The following PDZD2 variants were observed in gnomAD, a reference collection of about 807,000 sequenced individuals.
PDZD2 encodes PDZ domain containing 2, also known as PDZ domain-containing protein 2.
Under a neutral mutation model 220.7 loss-of-function variants are expected in PDZD2, and 90 were observed. The observed-to-expected ratio is 0.41, with a 90% CI of 0.34 to 0.49. PDZD2 has a LOEUF of 0.49. Ranked by LOEUF, PDZD2 falls within the 20% of genes least tolerant of loss-of-function variation. PDZD2 has a pLI of 0.28. For synonymous variants in PDZD2, 1,375 were observed against 1,450.5 expected (o/e 0.95, Z 1.18); for missense variants, 3,174 against 3,608.5 (o/e 0.88, Z 3.08).
chr5:31,670,729 T>A (rs773776568), intron 1 of PDZD2, among the ~76,000 whole-genome samples: 2 of 152,058 alleles, frequency 1.3e-5, no homozygotes, highest in Non-Finnish European at 2.9e-5. Context: ...CCAGTTTGCG[T>A]TTCTTTTAAA....
intron 1 of PDZD2, among the ~76,000 whole-genome samples, chr5:31,769,950 T>G (rs1033016932): frequency 6.6e-6 from 1 of 152,212 alleles, no homozygotes. Context: ...AGTCCCCAAG[T>G]GAAGTCTTTG....
intron 1 of PDZD2, among the ~76,000 whole-genome samples, chr5:31,680,051 T>G (rs1218064493): frequency 6.6e-6 from 1 of 152,250 alleles, no homozygotes; most frequent in East Asian, 1.9e-4. Context: ...GGATATCTGA[T>G]ATGGAATTAT....
intron 2 of PDZD2, among the ~76,000 whole-genome samples, chr5:31,837,564 A>T (rs1757019641): frequency 6.6e-6 from 1 of 152,114 alleles, no homozygotes; most frequent in Non-Finnish European, 1.5e-5. Context: ...TTCTACTAAA[A>T]ATACAAAAAA....
At chr5:31,683,225 A>AAG (rs397705703) in intron 1 of PDZD2, among the ~76,000 whole-genome samples, 1 of 135,898 alleles carries the variant, frequency 7.4e-6, no homozygotes, top group Admixed American at 7.5e-5. Context: ...AAAAAAAAAA[A>AAG]GAAAGAAAGA....
intron 2 of PDZD2, among the ~76,000 whole-genome samples, chr5:31,879,985 C>G (rs1739717396): frequency 6.7e-6 from 1 of 149,650 alleles, no homozygotes; most frequent in South Asian, 2.1e-4. Flanking sequence ...ACGATCTCAG[C>G]TCACCACAAC....
Position 31,983,485 on chromosome 5 carries a change from C to T in PDZD2, c.807C>T (p.Gly269=). 2 of 1,614,106 alleles carry T rather than the reference C, an allele frequency of 1.2e-6. No homozygotes were observed. Among genetic ancestry groups the T allele is most frequent in the Non-Finnish European group, 1.7e-6 (2 of 1,180,010 alleles). Residue 269 remains glycine, a synonymous_variant, in exon 3 of 25, where the codon GGC becomes GGT. Coordinates refer to ENST00000438447, the MANE Select transcript of PDZD2 (RefSeq NM_178140.4). ...GCCATGTCTTTCAGCTAGAAAATGG[C>T]CCAGATTCTCTCAAGGAGGTGGCTG... ...GNGHVFQLEN[G]PDSLKEVAGP...
intron 23 of PDZD2, chr5:32,100,560 T>G (rs1317437836): frequency 1.2e-5 from 4 of 332,002 alleles, no homozygotes; most frequent in Non-Finnish European, 2.4e-5. Context: ...GGTTTCCCTT[T>G]GCAGGAGCAG....
At chr5:31,814,814 T>C (rs1470540000) in intron 2 of PDZD2, among the ~76,000 whole-genome samples, 2 of 140,684 alleles carry the variant, frequency 1.4e-5, no homozygotes, top group Non-Finnish European at 3.1e-5. Context: ...AGACTCCATC[T>C]AAAAAAAAAA....
At chr5:31,721,557 T>C (rs1409493487) in intron 1 of PDZD2, among the ~76,000 whole-genome samples, 2 of 141,932 alleles carry the variant, frequency 1.4e-5, no homozygotes, top group East Asian at 2.1e-4. Context: ...ATTAGGAAAC[T>C]AATAAGGAAA....
At chr5:32,034,847 T>C (rs1303917301) in intron 6 of PDZD2, among the ~76,000 whole-genome samples, 1 of 152,182 alleles carries the variant, frequency 6.6e-6, no homozygotes, top group Non-Finnish European at 1.5e-5. Flanking sequence ...GGCTCTTTCT[T>C]CTCTGTGTAC....
Position 31,958,953 on chromosome 5 carries a change from G to A in PDZD2, c.477-24202G>A, listed in dbSNP as rs567332346. Reference sequence around the variant, plus strand: ...AGCACTCGATTGATTGATTGATTGAGATGGAGTCTCGCTCTGTCACCCAGG... The same window carrying A: ...AGCACTCGATTGATTGATTGATTGAAATGGAGTCTCGCTCTGTCACCCAGG... On this transcript the variant is annotated intron_variant, in intron 2 of 24. Transcript: ENST00000438447. 9.5e-5 allele frequency among the ~76,000 whole-genome samples: 14 copies of A among 147,566 alleles called. No homozygotes were observed. The South Asian group carries it at 3.0e-3, about 32-fold the overall frequency.
At chr5:32,031,995 G>A (rs1755158779) in intron 6 of PDZD2, among the ~76,000 whole-genome samples, 1 of 152,172 alleles carries the variant, frequency 6.6e-6, no homozygotes, top group Non-Finnish European at 1.5e-5. Context: ...TTTATACATT[G>A]AGCAGAACAA....
chr5:31,695,141 AG>A (rs1747327335), intron 1 of PDZD2, among the ~76,000 whole-genome samples: 1 of 151,848 alleles, frequency 6.6e-6, no homozygotes, highest in African/African-American at 2.4e-5. Flanking sequence ...AAAAAAAAAA[AG>A]AAAGTAAAGG....
rs570247050 is a variant in PDZD2, at chr5:32,058,626, A to G, written c.2200+523A>G. Reference sequence around the variant, plus strand: ...GAGGCAGAGGTTGCAGTGAGCCGAGATCGTGCCACTGCACTCTAGCCTGGG... The same window carrying G: ...GAGGCAGAGGTTGCAGTGAGCCGAGGTCGTGCCACTGCACTCTAGCCTGGG... On this transcript the variant is annotated intron_variant, in intron 12 of 24. Transcript: ENST00000438447. Among the ~76,000 whole-genome samples the G allele has an allele frequency of 2.9e-4, 44 of 149,656 alleles. 1 individual carries two copies. Among genetic ancestry groups the G allele is most frequent in the African/African-American group, 1.1e-3 (44 of 40,276 alleles).
intron 24 of PDZD2, among the ~76,000 whole-genome samples, chr5:32,104,116 G>A (rs1050909474): frequency 6.6e-6 from 1 of 152,110 alleles, no homozygotes; most frequent in Non-Finnish European, 1.5e-5. Flanking sequence ...GACTAAAGAT[G>A]TCATTATCTG....
intron 1 of PDZD2, among the ~76,000 whole-genome samples, chr5:31,688,059 T>A (rs1746945961): frequency 6.6e-6 from 1 of 152,118 alleles, no homozygotes; most frequent in South Asian, 2.1e-4. Context: ...TTTAGAAAGG[T>A]CAAGCAGTAT....
intron 2 of PDZD2, among the ~76,000 whole-genome samples, chr5:31,829,935 C>G (rs918407084): frequency 5.3e-5 from 8 of 151,942 alleles, no homozygotes; most frequent in African/African-American, 1.9e-4. Context: ...GTAATCCCAG[C>G]TGCTCTGGAG....
chr5:31,925,630 T>G (rs571017032), intron 2 of PDZD2, among the ~76,000 whole-genome samples: 2 of 151,712 alleles, frequency 1.3e-5, no homozygotes, highest in South Asian at 4.2e-4. Context: ...AGTAAAGAGC[T>G]TTTGCACAGC....
chr5:32,087,244 A>G lies in PDZD2; in HGVS notation c.3796A>G (p.Ser1266Gly). 1 of 1,614,126 alleles carries G rather than the reference A, an allele frequency of 6.2e-7. No individual in the cohort carries two copies. Among genetic ancestry groups the G allele is most frequent in the Non-Finnish European group, 8.5e-7 (1 of 1,179,966 alleles). ...GCAAGTCAGTCGGCCAGAGAATCCC[A>G]GCCAGCCTGCATCGCCCAGGGTCAC... The part of the protein sequence containing the change: ...TGQVSRPENP[S>G]QPASPRVTKC... The change falls in exon 20 of 25, where the codon AGC becomes GGC. Residue 1266 changes from serine (S) to glycine (G), a missense_variant. This residue lies in a region of PDZD2 where 1,861 missense variants were observed against 2,001.0 expected (regional missense o/e 0.93). Transcript: ENST00000438447. This position sits in a 1 kb window ranked among gnomAD's most constrained non-coding sequence, Gnocchi z 4.0.
Sources: allele counts gnomAD v4.1 joint callset (sites outside exome capture counted in the v4.1 genomes callset), GRCh38; gene constraint gnomAD v4.1.1; regional missense constraint gnomAD v4.1.1; non-coding constraint Gnocchi (gnomAD v3.1); transcripts MANE v1.5; gene names NCBI Gene and HGNC (gene_info 2026-07-23, HGNC 2026-07-21).